Variants in KAT6B observed in about 807,000 individuals in gnomAD.
KAT6B encodes histone acetyltransferase KAT6B.
A neutral mutation model predicts 187.5 loss-of-function variants in KAT6B; 10 were observed. That is an observed-to-expected ratio of 0.05 (90% confidence interval 0.03 to 0.09). KAT6B has a LOEUF of 0.09. Ranked by LOEUF, KAT6B falls within the 10% of genes least tolerant of loss-of-function variation. The probability of loss-of-function intolerance (pLI) is 1.00; values close to 1 mark genes in which losing one functional copy is unlikely to be tolerated. For missense variants in KAT6B, 1,952 were observed against 2,558.9 expected (o/e 0.76, Z 5.12); for synonymous variants, 861 against 926.8 (o/e 0.93, Z 1.29).
At chr10:75,014,229 C>T (rs577612224) in intron 13 of KAT6B, among the ~76,000 whole-genome samples, 38 of 152,192 alleles carry the variant, frequency 2.5e-4, no homozygotes, top group African/African-American at 8.9e-4. Context: ...AATCCCAGCA[C>T]TTTGGGAGGC....
At chr10:74,861,246 G>A (rs1014137196) in intron 3 of KAT6B, among the ~76,000 whole-genome samples, 1 of 152,206 alleles carries the variant, frequency 6.6e-6, no homozygotes, top group Non-Finnish European at 1.5e-5. Flanking sequence ...AAGGTGCAGT[G>A]AGCAGAGATC....
At chr10:74,990,627 C>T (rs1843075677) in intron 13 of KAT6B, among the ~76,000 whole-genome samples, 1 of 152,096 alleles carries the variant, frequency 6.6e-6, no homozygotes, top group East Asian at 1.9e-4. Flanking sequence ...AACCAGTAAT[C>T]CCAAGGAGGG....
Position 75,029,299 on chromosome 10 carries a change from T to C in KAT6B, c.4475T>C (p.Leu1492Pro). 6.2e-7 allele frequency: 1 copy of C among 1,614,064 alleles called. No homozygotes were observed. The highest frequency in any genetic ancestry group is 1.1e-5 in the South Asian group (1 of 91,050). The change falls in exon 18 of 18, where the codon CTT (leucine) becomes CCT (proline). Residue 1492 changes from leucine (L) to proline (P), a missense_variant. Transcript: ENST00000287239. This position sits in a 1 kb window ranked among gnomAD's most constrained non-coding sequence, Gnocchi z 6.2. The part of the protein sequence containing the change: ...TASCNSEPKE[L>P]AGDPEAVPES... ...TCTTGTAACAGTGAGCCCAAGGAGC[T>C]TGCTGGGGACCCTGAAGCTGTACCC... is the stretch of plus-strand genomic sequence containing the variant.
chr10:74,988,674 G>C (rs752939852), intron 12 of KAT6B, among the ~76,000 whole-genome samples: 6 of 152,084 alleles, frequency 3.9e-5, no homozygotes, highest in Admixed American at 2.6e-4. Context: ...TGACTCCCTG[G>C]GATGTTATTT....
intron 12 of KAT6B, among the ~76,000 whole-genome samples, chr10:74,986,890 A>G (rs917459573): frequency 2.6e-4 from 40 of 152,178 alleles, no homozygotes; most frequent in Admixed American, 1.7e-3. Flanking sequence ...TGCACTGACC[A>G]TCCCACTCCT....
chr10:74,974,627 G>A (rs932078892), intron 7 of KAT6B, among the ~76,000 whole-genome samples: 3 of 152,114 alleles, frequency 2.0e-5, no homozygotes, highest in Non-Finnish European at 2.9e-5. Flanking sequence ...GCAGAACCAG[G>A]GTACAAAGAT....
intron 11 of KAT6B, chr10:74,984,009 TC>T (rs1383505480): frequency 6.6e-6 from 1 of 152,246 alleles, no homozygotes; most frequent in Non-Finnish European, 1.5e-5. Context: ...TCTGTATTTT[TC>T]TGGTTCACAG....
At chr10:74,861,698 T>C (rs573699272) in intron 3 of KAT6B, among the ~76,000 whole-genome samples, 4 of 152,368 alleles carry the variant, frequency 2.6e-5, no homozygotes, top group South Asian at 4.1e-4. Flanking sequence ...TGAGAAGGTA[T>C]TGAAAATAGT....
chr10:75,003,867 T>A (rs1375033057), intron 13 of KAT6B, among the ~76,000 whole-genome samples: 1 of 152,220 alleles, frequency 6.6e-6, no homozygotes, highest in Non-Finnish European at 1.5e-5. Flanking sequence ...TGTATCTTTT[T>A]TTAAGCTAAG....
chr10:74,916,822 C>A (rs139935597), intron 3 of KAT6B, among the ~76,000 whole-genome samples: 1 of 152,174 alleles, frequency 6.6e-6, no homozygotes, highest in Non-Finnish European at 1.5e-5. Context: ...TAAACACTGG[C>A]CTGGCACGGT....
At chr10:75,003,427 A>G (rs1843992171) in intron 13 of KAT6B, among the ~76,000 whole-genome samples, 1 of 152,194 alleles carries the variant, frequency 6.6e-6, no homozygotes, top group African/African-American at 2.4e-5. Context: ...ATAATAAGTT[A>G]TGCTTTTGAA....
At chr10:75,010,732 G>A (rs1432616754) in intron 13 of KAT6B, among the ~76,000 whole-genome samples, 1 of 152,102 alleles carries the variant, frequency 6.6e-6, no homozygotes, top group African/African-American at 2.4e-5. Context: ...CTCCACCATC[G>A]GTCTGTGGGG....
rs368081386 is a variant in KAT6B at position 74,981,803 on chromosome 10, C to A, written c.2248C>A (p.Leu750Met). The change falls in exon 11 of 18, where the codon CTG (leucine) becomes ATG (methionine). Residue 750 changes from leucine to methionine, a missense_variant. Physicochemically the swap from Leu to Met is conservative, Grantham distance 15 (BLOSUM62 2). Transcript: ENST00000287239. ...QEYARLPKLY[L>M]CEFCLKYMKS... ...CTTTAACAGATTACCAAAGCTTTAC[C>A]TGTGTGAATTCTGTCTTAAATATAT... The A allele has an allele frequency of 5.2e-6, 8 of 1,538,868 alleles. No homozygotes were observed. Among genetic ancestry groups the A allele is most frequent in the Non-Finnish European group, 7.2e-6 (8 of 1,112,500 alleles).
chr10:74,943,884 C>T (rs1849882847), intron 3 of KAT6B, among the ~76,000 whole-genome samples: 1 of 152,162 alleles, frequency 6.6e-6, no homozygotes, highest in South Asian at 2.1e-4. Flanking sequence ...ACACTTATAT[C>T]TTATGTGTTA....
chr10:74,987,567 G>C, intron 12 of KAT6B, among the ~76,000 whole-genome samples: 1 of 152,236 alleles, frequency 6.6e-6, no homozygotes, highest in East Asian at 1.9e-4. Flanking sequence ...AGCCAGAGAA[G>C]GGCTGGAATG....
chr10:74,832,738 G>T (rs968796161), intron 1 of KAT6B, among the ~76,000 whole-genome samples: 1 of 151,984 alleles, frequency 6.6e-6, no homozygotes, highest in African/African-American at 2.4e-5. Context: ...GACCTCAGGT[G>T]ATCCACCTGC....
intron 3 of KAT6B, among the ~76,000 whole-genome samples, chr10:74,894,601 CCATTCTACTTTTTGTTG>C (rs1202975631): frequency 6.6e-6 from 1 of 152,116 alleles, no homozygotes; most frequent in African/African-American, 2.4e-5. Context: ...CTACCAACCA[CCATTCTACTTTTTGTTG>C]CTAAGAGTTT....
intron 16 of KAT6B, among the ~76,000 whole-genome samples, chr10:75,024,475 C>T (rs923425801): frequency 3.3e-5 from 5 of 152,148 alleles, no homozygotes; most frequent in African/African-American, 9.7e-5. Flanking sequence ...AAAAAGTAGG[C>T]TGGTCTTGTA....
chr10:75,002,395 A>G (rs971125000), intron 13 of KAT6B, among the ~76,000 whole-genome samples: 2 of 152,036 alleles, frequency 1.3e-5, no homozygotes, highest in Admixed American at 6.5e-5. Context: ...AAAAACAACA[A>G]CAAACTAGGC....
Sources: allele counts gnomAD v4.1 joint callset (sites outside exome capture counted in the v4.1 genomes callset), GRCh38; gene constraint gnomAD v4.1.1; non-coding constraint Gnocchi (gnomAD v3.1); transcripts MANE v1.5; gene names NCBI Gene and HGNC (gene_info 2026-07-23, HGNC 2026-07-21).